CTNND2: variants seen among roughly 807,000 people sequenced by gnomAD.
CTNND2 encodes the protein catenin delta-2.
Under a neutral mutation model 144.4 loss-of-function variants are expected in CTNND2, and 22 were observed. That is an observed-to-expected ratio of 0.15 (90% CI 0.11 to 0.22). The LOEUF is 0.22. CTNND2 is among the 10% of genes least tolerant of loss of function. The probability of loss-of-function intolerance (pLI) is 1.00; values close to 1 mark genes in which losing one functional copy is unlikely to be tolerated. For missense variants in CTNND2, 1,353 were observed against 1,618.8 expected (o/e 0.84, Z 2.82); for synonymous variants, 751 against 695.6 (o/e 1.08, Z -1.25).
intron 1 of CTNND2, among the ~76,000 whole-genome samples, chr5:11,793,191 A>C (rs75755512): frequency 6.2e-4 from 94 of 152,282 alleles, no homozygotes; most frequent in African/African-American, 2.2e-3. Context: ...CACTCTTCAC[A>C]TAGGCCCAAC....
intron 3 of CTNND2, among the ~76,000 whole-genome samples, chr5:11,418,143 A>G (rs910967685): frequency 1.3e-5 from 2 of 151,914 alleles, no homozygotes; most frequent in Non-Finnish European, 2.9e-5. Context: ...GTGGTGGCTC[A>G]CTCCTATAAT....
Position 11,903,467 on chromosome 5 carries a change from T to G in CTNND2, c.37+350A>C. On this transcript the variant is annotated intron_variant, in intron 1 of 21. Transcript: ENST00000304623. The surrounding 1 kb of genome is among the most constrained non-coding windows in gnomAD (Gnocchi z 5.4). ...CTCCTCCCGTATATTAGGGACGTCA[T>G]GAATGCACCGAGTATGTTCTCAGGG... is the stretch of plus-strand genomic sequence containing the variant. 1.4e-6 allele frequency: 1 copy of G among 707,176 alleles called. No homozygotes were observed. The highest frequency in any genetic ancestry group is 1.8e-6 in the Non-Finnish European group (1 of 557,282). 43.8% of individuals were successfully genotyped at this position (707,176 alleles called of 1,614,324 possible).
intron 2 of CTNND2, among the ~76,000 whole-genome samples, chr5:11,660,221 T>C: frequency 6.6e-6 from 1 of 151,892 alleles, no homozygotes; most frequent in East Asian, 1.9e-4. Context: ...CACAAGGCCA[T>C]GAAAAAGGAT....
At chr5:11,764,098 G>A (rs1234354220) in intron 1 of CTNND2, among the ~76,000 whole-genome samples, 8 of 152,122 alleles carry the variant, frequency 5.3e-5, no homozygotes, top group South Asian at 2.1e-4. Context: ...ATGGAAGAGG[G>A]AGGCAGGAAA....
chr5:11,010,475 G>A (rs9312750), intron 18 of CTNND2, among the ~76,000 whole-genome samples: 38,743 of 152,070 alleles, frequency 0.25, 6,427 homozygotes, highest in African/African-American at 0.46. Flanking sequence ...CTGGAATCTG[G>A]TATTGTTTTT....
intron 2 of CTNND2, among the ~76,000 whole-genome samples, chr5:11,572,575 T>A (rs1023336729): frequency 2.0e-5 from 3 of 152,128 alleles, no homozygotes; most frequent in African/African-American, 7.2e-5. Flanking sequence ...ATCCTCCTGA[T>A]ACATCCCTCT....
chr5:11,334,414 G>A (rs1753529792), intron 9 of CTNND2, among the ~76,000 whole-genome samples: 1 of 152,170 alleles, frequency 6.6e-6, no homozygotes, highest in African/African-American at 2.4e-5. Context: ...TTCTAAGTCA[G>A]TGTTCCAACC....
chr5:11,102,970 A>ATTTTTTTTTTTTTTTTT lies in CTNND2; in HGVS notation c.2464-4239_2464-4223dup, dbSNP rs778134907. ...GCAGGGCTTAAATTCTATTTAAAAGATTTTTTTTTTTTTTTTTTTTTTTTT... is the reference window on the plus strand; with the variant it reads ...GCAGGGCTTAAATTCTATTTAAAAGATTTTTTTTTTTTTTTTTTTTTTTTTTTTTTTTTTTTTTTTTT... On this transcript the variant is annotated intron_variant, in intron 14 of 21. Coordinates refer to ENST00000304623, the MANE Select transcript of CTNND2 (RefSeq NM_001332.4). Among the ~76,000 whole-genome samples the ATTTTTTTTTTTTTTTTT allele has an allele frequency of 1.8e-4, 15 of 84,092 alleles. 1 individual carries two copies. Among genetic ancestry groups the ATTTTTTTTTTTTTTTTT allele is most frequent in the Non-Finnish European group, 3.2e-4 (15 of 46,212 alleles). The allele number at this position is 84,092 out of a possible 152,430, so 55.2% of individuals were successfully genotyped here.
At chr5:11,704,071 T>C (rs1462624792) in intron 2 of CTNND2, among the ~76,000 whole-genome samples, 1 of 152,180 alleles carries the variant, frequency 6.6e-6, no homozygotes, top group Non-Finnish European at 1.5e-5. Context: ...AGAAAGGAAA[T>C]GATTTTTCAT....
intron 12 of CTNND2, among the ~76,000 whole-genome samples, chr5:11,135,015 G>A (rs1755992718): frequency 6.6e-6 from 1 of 152,190 alleles, no homozygotes; most frequent in African/African-American, 2.4e-5. Flanking sequence ...ACTGCGCTAA[G>A]TGCTGCAATC....
intron 9 of CTNND2, among the ~76,000 whole-genome samples, chr5:11,250,986 C>T (rs1743584456): frequency 6.6e-6 from 1 of 152,024 alleles, no homozygotes; most frequent in African/African-American, 2.4e-5. Context: ...CTTTATTAAG[C>T]ATTTTAAAAG....
At chr5:11,742,351 A>G (rs1313828901) in intron 1 of CTNND2, among the ~76,000 whole-genome samples, 2 of 152,118 alleles carry the variant, frequency 1.3e-5, no homozygotes, top group Non-Finnish European at 2.9e-5. Context: ...TTTTACCTTC[A>G]GCAACAGACT....
At chr5:11,457,828 C>G (rs1226213613) in intron 3 of CTNND2, among the ~76,000 whole-genome samples, 1 of 152,156 alleles carries the variant, frequency 6.6e-6, no homozygotes, top group African/African-American at 2.4e-5. Context: ...TCCATGACAG[C>G]TGTTGACTGC....
intron 8 of CTNND2, 185 bp downstream of exon 8, chr5:11,364,511 T>C (rs1282990171): frequency 2.1e-6 from 1 of 484,208 alleles, no homozygotes; most frequent in African/African-American, 2.0e-5. Context: ...TATACCAAGG[T>C]AGCCTGAATT....
At chr5:11,479,943 C>T (rs533578326) in intron 3 of CTNND2, among the ~76,000 whole-genome samples, 38 of 152,010 alleles carry the variant, frequency 2.5e-4, no homozygotes, top group Middle Eastern at 6.8e-3. Flanking sequence ...AAATATTTTC[C>T]CCCACTCTGT....
intron 3 of CTNND2, among the ~76,000 whole-genome samples, chr5:11,452,759 T>C (rs1441628832): frequency 1.3e-5 from 2 of 152,212 alleles, no homozygotes; most frequent in African/African-American, 2.4e-5. Context: ...TACTCTGGCA[T>C]AGAATCTAAA....
intron 16 of CTNND2, among the ~76,000 whole-genome samples, chr5:11,042,630 A>G (rs1465427125): frequency 6.6e-6 from 1 of 152,218 alleles, no homozygotes; most frequent in Admixed American, 6.5e-5. Flanking sequence ...TGGTTTCCAC[A>G]TGGCAATTCT....
intron 2 of CTNND2, among the ~76,000 whole-genome samples, chr5:11,724,328 C>T (rs1786881084): frequency 6.6e-6 from 1 of 151,948 alleles, no homozygotes; most frequent in Non-Finnish European, 1.5e-5. Flanking sequence ...GTGTTGTTTT[C>T]AATATGAGCA....
intron 1 of CTNND2, among the ~76,000 whole-genome samples, chr5:11,874,861 A>G (rs1735439715): frequency 6.6e-6 from 1 of 152,194 alleles, no homozygotes; most frequent in Non-Finnish European, 1.5e-5. Context: ...AGCCTGTACT[A>G]TTCCCAGGTA....
Sources: gnomAD v4.1 joint callset for allele counts (sites outside exome capture counted in the v4.1 genomes callset) on GRCh38, gnomAD v4.1.1 for gene constraint, Gnocchi (gnomAD v3.1) non-coding constraint, MANE v1.5 for transcripts, NCBI Gene and HGNC (gene_info 2026-07-23, HGNC 2026-07-21) for gene names.